ZNF704: variants seen among roughly 807,000 people sequenced by gnomAD.
ZNF704 encodes the protein glucocorticoid induced gene 1.
A neutral mutation model predicts 44.7 loss-of-function variants in ZNF704; 10 were observed. That is an observed-to-expected ratio of 0.22 (90% CI 0.14 to 0.38). ZNF704 has a LOEUF of 0.38. ZNF704 is among the 10% of genes least tolerant of loss of function. The probability of loss-of-function intolerance (pLI) is 1.00; values close to 1 mark genes in which losing one functional copy is unlikely to be tolerated. For missense variants in ZNF704, 390 were observed against 545.5 expected (o/e 0.71, Z 2.84); for synonymous variants, 211 against 207.6 (o/e 1.02, Z -0.14).
At chr8:80,856,444 C>T (rs1808963288) in intron 1 of ZNF704, among the ~76,000 whole-genome samples, 1 of 151,916 alleles carries the variant, frequency 6.6e-6, no homozygotes, top group Non-Finnish European at 1.5e-5. Flanking sequence ...CTTGCCTATC[C>T]CAAAGTTACA....
intron 1 of ZNF704, among the ~76,000 whole-genome samples, chr8:80,841,246 A>G (rs1808673649): frequency 6.6e-6 from 1 of 152,224 alleles, no homozygotes. Context: ...ATGGATGCAC[A>G]GTCTTGGAAG....
chr8:80,801,960 C>T (rs1360766830), intron 2 of ZNF704, among the ~76,000 whole-genome samples: 1 of 151,834 alleles, frequency 6.6e-6, no homozygotes, highest in Non-Finnish European at 1.5e-5. Flanking sequence ...AGAGACAAAT[C>T]AAATAAACAC....
At chr8:80,800,384 C>A (rs559597822) in intron 2 of ZNF704, among the ~76,000 whole-genome samples, 1 of 151,922 alleles carries the variant, frequency 6.6e-6, no homozygotes. Context: ...TTTCAAAGGT[C>A]GAAATCAAAG....
chr8:80,856,996 C>T (rs1034270133), intron 1 of ZNF704, among the ~76,000 whole-genome samples: 1 of 152,026 alleles, frequency 6.6e-6, no homozygotes, highest in Non-Finnish European at 1.5e-5. Flanking sequence ...TATATCAATT[C>T]ATTTATTTAG....
At chr8:80,739,237 C>T (rs757067829) in intron 2 of ZNF704, among the ~76,000 whole-genome samples, 2 of 152,196 alleles carry the variant, frequency 1.3e-5, no homozygotes, top group East Asian at 1.9e-4. Flanking sequence ...AGGAGAACCA[C>T]GATAGTCTTT....
chr8:80,804,020 AC>A (rs1807945043), intron 2 of ZNF704, among the ~76,000 whole-genome samples: 1 of 152,224 alleles, frequency 6.6e-6, no homozygotes, highest in Non-Finnish European at 1.5e-5. Context: ...TGGGGAAAGA[AC>A]ATGAAAAGAC....
At chr8:80,735,949 A>T (rs1806658290) in intron 2 of ZNF704, among the ~76,000 whole-genome samples, 1 of 152,204 alleles carries the variant, frequency 6.6e-6, no homozygotes, top group South Asian at 2.1e-4. Flanking sequence ...AACAGGAAGG[A>T]AGGAATTCCA....
upstream of ZNF704, among the ~76,000 whole-genome samples, chr8:80,875,095 T>C (rs1809338785): frequency 6.6e-6 from 1 of 152,104 alleles, no homozygotes; most frequent in Admixed American, 6.5e-5. Context: ...AAGAAACAAA[T>C]GGGTGGGAGT....
chr8:80,744,741 TAC>T (rs948547113), intron 2 of ZNF704, among the ~76,000 whole-genome samples: 12 of 152,196 alleles, frequency 7.9e-5, no homozygotes, highest in African/African-American at 2.7e-4. Flanking sequence ...CCATCCCTTT[TAC>T]CATTGGGGAG....
chr8:80,686,934 C>T (rs1339064171), intron 4 of ZNF704, among the ~76,000 whole-genome samples: 1 of 152,158 alleles, frequency 6.6e-6, no homozygotes, highest in African/African-American at 2.4e-5. Context: ...GCCTGAGGTC[C>T]AATTTTCTAA....
At chr8:80,756,172 G>T (rs1279067852) in intron 2 of ZNF704, among the ~76,000 whole-genome samples, 1 of 151,522 alleles carries the variant, frequency 6.6e-6, no homozygotes, top group African/African-American at 2.4e-5. Context: ...AACACATGTC[G>T]CTGCACCAGA....
chr8:80,778,885 C>T (rs891667340), intron 2 of ZNF704, among the ~76,000 whole-genome samples: 1 of 151,964 alleles, frequency 6.6e-6, no homozygotes, highest in Admixed American at 6.6e-5. Context: ...GGGAGAGGAG[C>T]AGAAAAGATA....
At chr8:80,683,384 C>G (rs574621190) in intron 4 of ZNF704, among the ~76,000 whole-genome samples, 1 of 152,172 alleles carries the variant, frequency 6.6e-6, no homozygotes, top group African/African-American at 2.4e-5. Context: ...GTAAGCTCTC[C>G]GGCAGACAGC....
intron 2 of ZNF704, among the ~76,000 whole-genome samples, chr8:80,732,186 C>G (rs1806592662): frequency 6.6e-6 from 1 of 152,148 alleles, no homozygotes; most frequent in African/African-American, 2.4e-5. Context: ...TCTGTGCTCT[C>G]CTATGATAAT....
intron 2 of ZNF704, among the ~76,000 whole-genome samples, chr8:80,807,737 A>G (rs1340505491): frequency 2.0e-5 from 3 of 152,208 alleles, no homozygotes; most frequent in Non-Finnish European, 4.4e-5. Context: ...ATCCACTGAG[A>G]GAAAATGACC....
At chr8:80,875,654 G>C (rs2130093658), upstream of ZNF704, among the ~76,000 whole-genome samples, 1 of 152,300 alleles carries the variant, frequency 6.6e-6, no homozygotes, top group African/African-American at 2.4e-5. Context: ...CATCCCTGTA[G>C]AGGAGGGCTG....
In ZNF704 at chr8:80,849,464, A is replaced by C. The variant is rs145735172; in HGVS notation, c.-22+25107T>G. Among the ~76,000 whole-genome samples, 890 of 152,318 alleles carry C rather than the reference A, an allele frequency of 5.8e-3. 4 individuals carry two copies. The highest frequency in any genetic ancestry group is 0.017 in the Middle Eastern group (5 of 294). ...TTTTCTTCACAGAAATAAACCACAC[A>C]CAACAAATCTATCCCATCAGAGGTG... On this transcript the variant is annotated intron_variant, in intron 1 of 8. Coordinates refer to ENST00000327835, the MANE Select transcript of ZNF704 (RefSeq NM_001033723.3).
intron 2 of ZNF704, among the ~76,000 whole-genome samples, chr8:80,712,475 C>T (rs771427541): frequency 6.6e-5 from 10 of 152,082 alleles, no homozygotes; most frequent in South Asian, 6.2e-4. Flanking sequence ...AGTTTAGAGA[C>T]GGAGGGAAAG....
Position 80,646,045 on chromosome 8 carries a change from A to G in ZNF704, c.1033-2916T>C, listed in dbSNP as rs566648876. Among the ~76,000 whole-genome samples the G allele has an allele frequency of 2.8e-4, 43 of 152,354 alleles. 1 individual carries two copies. In the South Asian group the frequency reaches 5.0e-3, roughly 18 times the overall value. ...ACCTTCTGCCATGTGATGATGCAGC[A>G]TAAAGGCCCTAACAGAGGCTGGCAT... On this transcript the variant is annotated intron_variant, in intron 7 of 8. Transcript: ENST00000327835.
Sources: allele counts gnomAD v4.1 joint callset (sites outside exome capture counted in the v4.1 genomes callset), GRCh38; gene constraint gnomAD v4.1.1; transcripts MANE v1.5; gene names NCBI Gene and HGNC (gene_info 2026-07-23, HGNC 2026-07-21).